YIPF4: variants seen among roughly 807,000 people sequenced by gnomAD.
The protein encoded by YIPF4 is protein YIPF4.
Under a neutral mutation model 29.4 loss-of-function variants are expected in YIPF4, and 18 were observed. The ratio of observed to expected loss-of-function variants is 0.61; its 90% CI spans 0.42 to 0.91. YIPF4 has a LOEUF of 0.91. YIPF4 is among the 40% of genes least tolerant of loss of function. YIPF4 has a pLI of 0.00. For synonymous variants in YIPF4, 115 were observed against 104.7 expected (o/e 1.10, Z -0.60); for missense variants, 279 against 282.7 (o/e 0.99, Z 0.09).
At position 32,290,534 on chromosome 2, in the gene YIPF4, A is replaced by AT; in HGVS notation, c.135dup (p.Ile46TyrfsTer22). 1.3e-6 allele frequency: 2 copies of AT among 1,579,570 alleles called. No individual in the cohort carries two copies. Among genetic ancestry groups the AT allele is most frequent in the Non-Finnish European group, 1.7e-6 (2 of 1,163,856 alleles). ...GATGTCAAATTAAATCTTGGTGGAG[A>AT]TTTTATCAAAGAATCTACAGCTACT... On this transcript the variant is annotated frameshift_variant, in exon 2 of 6. Transcript: ENST00000238831. LOFTEE classifies it high-confidence loss of function.
chr2:32,293,702 G>A (rs557862599), intron 3 of YIPF4, among the ~76,000 whole-genome samples: 99 of 151,840 alleles, frequency 6.5e-4, no homozygotes, highest in African/African-American at 2.2e-3. Flanking sequence ...CGGAAGGGGC[G>A]GCTGGCCGGG....
At chr2:32,280,379 G>A (rs964386730) in intron 1 of YIPF4, among the ~76,000 whole-genome samples, 1 of 139,584 alleles carries the variant, frequency 7.2e-6, no homozygotes, top group Non-Finnish European at 1.5e-5. Flanking sequence ...ATCCGCCCAG[G>A]CTAATTTTTT....
At chr2:32,293,036 G>T (rs1032776572) in intron 3 of YIPF4, among the ~76,000 whole-genome samples, 28 of 149,472 alleles carry the variant, frequency 1.9e-4, no homozygotes, top group Non-Finnish European at 1.9e-4. Context: ...CCTTTTTTTT[G>T]ATTATTTTTA....
At position 32,314,955 on chromosome 2, in the gene YIPF4, G is replaced by A. The variant is rs943179215; in HGVS notation, c.*9329G>A. ...TACTGTATCAGATAGGAACATATTTGGTTGCAAGAAACAAAAATTCCTGTG... is the reference window on the plus strand; with the variant it reads ...TACTGTATCAGATAGGAACATATTTAGTTGCAAGAAACAAAAATTCCTGTG... On this transcript the variant is annotated 3_prime_UTR_variant, in exon 6 of 6. Coordinates refer to ENST00000238831, the MANE Select transcript of YIPF4 (RefSeq NM_032312.4). The A allele has an allele frequency of 2.6e-5, 4 of 152,064 alleles. No individual in the cohort carries two copies. Among genetic ancestry groups the A allele is most frequent in the Non-Finnish European group, 4.4e-5 (3 of 68,028 alleles). 9.4% of individuals were successfully genotyped at this position (152,064 alleles called of 1,614,324 possible). A position where few individuals can be genotyped will look rare whatever the true frequency, so the allele number is the denominator to read the frequency against.
chr2:32,281,438 C>T (rs376356642), intron 1 of YIPF4, among the ~76,000 whole-genome samples: 21 of 151,958 alleles, frequency 1.4e-4, no homozygotes, highest in African/African-American at 4.1e-4. Context: ...GACAGGGTTT[C>T]GCCATGTTTC....
chr2:32,295,207 C>T (rs949087085), intron 3 of YIPF4, among the ~76,000 whole-genome samples: 4 of 152,178 alleles, frequency 2.6e-5, no homozygotes, highest in African/African-American at 9.7e-5. Flanking sequence ...GTCCTACTTT[C>T]AGATACTTTA....
intron 1 of YIPF4, among the ~76,000 whole-genome samples, chr2:32,288,232 T>C (rs2030760070): frequency 6.6e-6 from 1 of 152,216 alleles, no homozygotes; most frequent in South Asian, 2.1e-4. Context: ...CTACTTTACA[T>C]GGAACAGAAA....
chr2:32,300,359 G>A (rs777251690), intron 4 of YIPF4, among the ~76,000 whole-genome samples: 16 of 152,010 alleles, frequency 1.1e-4, no homozygotes, highest in Middle Eastern at 3.4e-3. Flanking sequence ...TCTTGAACCC[G>A]GGAGGCGGAG....
intron 5 of YIPF4, 110 bp from the exon 6 acceptor site, chr2:32,305,379 G>A (rs2031541390): frequency 8.1e-7 from 1 of 1,238,502 alleles, no homozygotes; most frequent in Admixed American, 3.3e-5. Flanking sequence ...TACCAAAATT[G>A]GTTGTTGATT....
At chr2:32,303,229 G>C (rs1448138332) in intron 5 of YIPF4, among the ~76,000 whole-genome samples, 1 of 151,986 alleles carries the variant, frequency 6.6e-6, no homozygotes, top group African/African-American at 2.4e-5. Context: ...GTGTGGTGGC[G>C]GGTACCTGTG....
chr2:32,279,702 C>T (rs1179775492), intron 1 of YIPF4, among the ~76,000 whole-genome samples: 6 of 151,576 alleles, frequency 4.0e-5, no homozygotes, highest in African/African-American at 1.5e-4. Flanking sequence ...AGCCACCGCG[C>T]CCGGCCGAAA....
chr2:32,299,917 GT>G (rs1314223201), intron 4 of YIPF4, among the ~76,000 whole-genome samples: 1 of 152,066 alleles, frequency 6.6e-6, no homozygotes, highest in African/African-American at 2.4e-5. Flanking sequence ...CCCAGGAGTA[GT>G]TTTTTTGTTT....
At chr2:32,285,428 T>C (rs1055765198) in intron 1 of YIPF4, among the ~76,000 whole-genome samples, 6 of 152,170 alleles carry the variant, frequency 3.9e-5, no homozygotes, top group Admixed American at 6.6e-5. Flanking sequence ...ACCTTGGCCT[T>C]CTTCAGTCTT....
At position 32,278,523 on chromosome 2, in the gene YIPF4, C is replaced by G. The variant is rs558746608; in HGVS notation, c.79+289C>G. 2.0e-5 allele frequency among the ~76,000 whole-genome samples: 3 copies of G among 152,254 alleles called. No individual in the cohort carries two copies. In the South Asian group the frequency reaches 6.2e-4, roughly 32 times the overall value. On this transcript the variant is annotated intron_variant, in intron 1 of 5. Transcript: ENST00000238831. ...GGCTTAGTCTCTTCAATTGGACCCA[C>G]AAAATCCTAAGCTTTTAGTTCTGGA...
In YIPF4 at chr2:32,313,149, C is replaced by G. The variant is rs1028039058; in HGVS notation, c.*7523C>G. On this transcript the variant is annotated 3_prime_UTR_variant, in exon 6 of 6. Coordinates refer to ENST00000238831, the MANE Select transcript of YIPF4 (RefSeq NM_032312.4). ...AAGCAAGTATATAAAAGAAGCCTTC[C>G]TTGAAGCAACGATGCTTAAGCTGAA... is the stretch of plus-strand genomic sequence containing the variant. 1 of 151,968 alleles carries G rather than the reference C, an allele frequency of 6.6e-6. No individual in the cohort carries two copies. Among genetic ancestry groups the G allele is most frequent in the African/African-American group, 2.4e-5 (1 of 41,372 alleles). The allele number at this position is 151,968 out of a possible 1,614,324, so 9.4% of individuals were successfully genotyped here.
At position 32,288,682 on chromosome 2, in the gene YIPF4, C is replaced by A. The variant is rs141249832; in HGVS notation, c.80-1801C>A. Reference sequence around the variant, plus strand: ...AAAATTAGCCAGGCATGCTGGTACACGCCAGTAATCTCAGCTACTCAGGAG... The same window carrying A: ...AAAATTAGCCAGGCATGCTGGTACAAGCCAGTAATCTCAGCTACTCAGGAG... On this transcript the variant is annotated intron_variant, in intron 1 of 5. Transcript: ENST00000238831. Among the ~76,000 whole-genome samples the A allele has an allele frequency of 4.3e-3, 654 of 152,212 alleles. 2 individuals are homozygous for A. Among genetic ancestry groups the A allele is most frequent in the Non-Finnish European group, 7.2e-3 (491 of 68,020 alleles).
chr2:32,308,821 A>T lies in YIPF4; in HGVS notation c.*3195A>T, dbSNP rs1470702480. ...CACTTTGGGAGGCCGAGGCGGGTGG[A>T]TCACGAGATCAGGAGATCAAGACCA... is the stretch of plus-strand genomic sequence containing the variant. On this transcript the variant is annotated 3_prime_UTR_variant, in exon 6 of 6. Coordinates refer to ENST00000238831, the MANE Select transcript of YIPF4 (RefSeq NM_032312.4). The T allele has an allele frequency of 6.6e-6, 1 of 152,354 alleles. No homozygotes were observed. The highest frequency in any genetic ancestry group is 6.6e-5 in the Admixed American group (1 of 15,256). The allele number at this position is 152,354 out of a possible 1,614,324, so 9.4% of individuals were successfully genotyped here.
In YIPF4 at chr2:32,307,589, G is replaced by C. The variant is rs762884398; in HGVS notation, c.*1963G>C. On this transcript the variant is annotated 3_prime_UTR_variant, in exon 6 of 6. Transcript: ENST00000238831. ...TTCGAACTCAACCAGTATCATTTTC[G>C]TGTGCTAATGAGCAAAGTAGTTAGA... 1.3e-5 allele frequency: 2 copies of C among 152,926 alleles called. No homozygotes were observed. Among genetic ancestry groups the C allele is most frequent in the African/African-American group, 2.4e-5 (1 of 41,380 alleles). The allele number at this position is 152,926 out of a possible 1,614,324, so 9.5% of individuals were successfully genotyped here.
In YIPF4 at chr2:32,311,330, A is replaced by G. The variant is rs2031711574; in HGVS notation, c.*5704A>G. 1 of 152,248 alleles carries G rather than the reference A, an allele frequency of 6.6e-6. No homozygotes were observed. The highest frequency in any genetic ancestry group is 1.5e-5 in the Non-Finnish European group (1 of 68,044). 9.4% of individuals were successfully genotyped at this position (152,248 alleles called of 1,614,324 possible). On this transcript the variant is annotated 3_prime_UTR_variant, in exon 6 of 6. Coordinates refer to ENST00000238831, the MANE Select transcript of YIPF4 (RefSeq NM_032312.4). ...GCATATGTTATTAAACATGAAATTTAGGATTAGTTTTCTCTTTGAAAATTC... is the reference window on the plus strand; with the variant it reads ...GCATATGTTATTAAACATGAAATTTGGGATTAGTTTTCTCTTTGAAAATTC...
Sources: allele counts gnomAD v4.1 joint callset (sites outside exome capture counted in the v4.1 genomes callset), GRCh38; gene constraint gnomAD v4.1.1; transcripts MANE v1.5; gene names NCBI Gene and HGNC (gene_info 2026-07-23, HGNC 2026-07-21).